Variants in TAX1BP1 observed in about 807,000 individuals in gnomAD.
TAX1BP1 encodes the protein Tax1 binding protein 1.
Under a neutral mutation model 97.7 loss-of-function variants are expected in TAX1BP1, and 62 were observed. That is an observed-to-expected ratio of 0.63 (90% confidence interval 0.52 to 0.78). TAX1BP1 has a LOEUF of 0.78. Among genes scored for constraint, TAX1BP1 ranks in the 30% least tolerant of loss-of-function variants. The pLI is 0.00. For missense variants in TAX1BP1, 867 were observed against 916.1 expected (o/e 0.95, Z 0.69); for synonymous variants, 340 against 304.2 (o/e 1.12, Z -1.23).
At chr7:27,770,732 C>T (rs1788814929) in intron 5 of TAX1BP1, among the ~76,000 whole-genome samples, 1 of 152,090 alleles carries the variant, frequency 6.6e-6, no homozygotes, top group South Asian at 2.1e-4. Flanking sequence ...AGATGTTATA[C>T]AAGTAAGTCT....
At chr7:27,803,040 C>T in intron 13 of TAX1BP1, 2 of 1,451,002 alleles carry the variant, frequency 1.4e-6, no homozygotes, top group Non-Finnish European at 1.9e-6. Context: ...CAGTATAAAC[C>T]AGATCTCAAA....
chr7:27,782,146 A>G (rs1158601562), intron 5 of TAX1BP1, among the ~76,000 whole-genome samples: 1 of 152,202 alleles, frequency 6.6e-6, no homozygotes, highest in Non-Finnish European at 1.5e-5. Flanking sequence ...AAACACAAAC[A>G]TGTACAGCTG....
intron 12 of TAX1BP1, among the ~76,000 whole-genome samples, chr7:27,798,082 A>G (rs1188761375): frequency 2.0e-5 from 3 of 152,072 alleles, no homozygotes; most frequent in Admixed American, 6.6e-5. Flanking sequence ...CTTTTAGACA[A>G]TTTTATAAAA....
At chr7:27,794,700 A>G (rs569251574) in intron 11 of TAX1BP1, among the ~76,000 whole-genome samples, 7 of 152,334 alleles carry the variant, frequency 4.6e-5, no homozygotes, top group African/African-American at 1.7e-4. Context: ...ACATGTTAAA[A>G]ATGAGCTGGT....
rs1789787677 is a variant in TAX1BP1, at chr7:27,793,218, T to A, written c.1410+6T>A. On this transcript the variant is annotated splice_donor_region_variant and intron_variant, in intron 10 of 16. Transcript: ENST00000396319. ...ACAAACTTTCAGATCAATCAGTAAGTATCATTAAATTTACACATAGTAAAA... is the reference window on the plus strand; with the variant it reads ...ACAAACTTTCAGATCAATCAGTAAGAATCATTAAATTTACACATAGTAAAA... 6.4e-7 allele frequency: 1 copy of A among 1,565,956 alleles called. No homozygotes were observed.
intron 5 of TAX1BP1, among the ~76,000 whole-genome samples, chr7:27,778,577 A>G (rs1789123110): frequency 6.6e-6 from 1 of 152,132 alleles, no homozygotes; most frequent in African/African-American, 2.4e-5. Flanking sequence ...AAAAACTTAT[A>G]CAATTGGCCA....
intron 15 of TAX1BP1, among the ~76,000 whole-genome samples, chr7:27,822,713 G>C (rs1441053438): frequency 6.6e-6 from 1 of 152,170 alleles, no homozygotes; most frequent in African/African-American, 2.4e-5. Context: ...TCAGATAATA[G>C]GGTTTGCATA....
At chr7:27,813,578 G>A (rs983567919) in intron 13 of TAX1BP1, among the ~76,000 whole-genome samples, 1 of 152,054 alleles carries the variant, frequency 6.6e-6, no homozygotes, top group Non-Finnish European at 1.5e-5. Flanking sequence ...GGGCTCAAGT[G>A]ATCCACCCAG....
chr7:27,741,916 A>G (rs1787625248), intron 1 of TAX1BP1, among the ~76,000 whole-genome samples: 2 of 152,316 alleles, frequency 1.3e-5, no homozygotes, highest in Admixed American at 1.3e-4. Context: ...AAACACGTGA[A>G]CAAAGGTCTT....
chr7:27,801,600 T>C (rs1790139863), intron 13 of TAX1BP1, among the ~76,000 whole-genome samples: 1 of 152,214 alleles, frequency 6.6e-6, no homozygotes, highest in South Asian at 2.1e-4. Flanking sequence ...CACAGTGCTA[T>C]GCTTAAGGAG....
chr7:27,803,309 C>A, intron 13 of TAX1BP1: 1 of 912,484 alleles, frequency 1.1e-6, no homozygotes, highest in Non-Finnish European at 1.5e-6. Flanking sequence ...AGTGAAATTT[C>A]TAAAAATTAC....
At chr7:27,790,954 CATTTATTTCTTTAGA>C (rs1181009795) in intron 8 of TAX1BP1, among the ~76,000 whole-genome samples, 4 of 151,988 alleles carry the variant, frequency 2.6e-5, no homozygotes, top group Non-Finnish European at 5.9e-5. Flanking sequence ...TGCATAATCG[CATTTATTTCTTTAGA>C]AAATTTTGTA....
chr7:27,764,938 T>A (rs1788564850), intron 3 of TAX1BP1, among the ~76,000 whole-genome samples: 1 of 128,550 alleles, frequency 7.8e-6, no homozygotes, highest in African/African-American at 2.9e-5. Context: ...TTCCTTTTTG[T>A]GGACTGCTAC....
At chr7:27,771,346 A>C (rs571845447) in intron 5 of TAX1BP1, among the ~76,000 whole-genome samples, 6 of 150,930 alleles carry the variant, frequency 4.0e-5, no homozygotes, top group Non-Finnish European at 5.9e-5. Flanking sequence ...TCCTAAGCCC[A>C]TGAGATCAAG....
intron 7 of TAX1BP1, among the ~76,000 whole-genome samples, chr7:27,786,280 C>T (rs758435697): frequency 2.6e-5 from 4 of 151,902 alleles, no homozygotes; most frequent in Middle Eastern, 3.4e-3. Context: ...TACAGGTGCC[C>T]GCGACCACGT....
At chr7:27,765,508 T>C (rs1278726674) in intron 3 of TAX1BP1, among the ~76,000 whole-genome samples, 8 of 152,202 alleles carry the variant, frequency 5.3e-5, no homozygotes, top group Admixed American at 1.3e-4. Flanking sequence ...ACTTTTATAT[T>C]GGTTCTTCCC....
At chr7:27,773,339 A>T (rs184188272) in intron 5 of TAX1BP1, among the ~76,000 whole-genome samples, 1 of 152,080 alleles carries the variant, frequency 6.6e-6, no homozygotes, top group African/African-American at 2.4e-5. Context: ...ATACAATTCA[A>T]TGGATTTTAA....
chr7:27,742,324 T>C (rs977284494), intron 1 of TAX1BP1, among the ~76,000 whole-genome samples: 2 of 152,178 alleles, frequency 1.3e-5, no homozygotes, highest in Non-Finnish European at 2.9e-5. Context: ...CCTGCAGGCT[T>C]CCACAGTTTT....
chr7:27,792,097 T>C lies in TAX1BP1; in HGVS notation c.1130T>C (p.Leu377Pro). 1 of 1,614,102 alleles carries C rather than the reference T, an allele frequency of 6.2e-7. No individual in the cohort carries two copies. The highest frequency in any genetic ancestry group is 8.5e-7 in the Non-Finnish European group (1 of 1,180,022). ...RQEVVFLAKE[L>P]SDAVNVRDRT... Reference sequence around the variant, plus strand: ...GAAGTTGTCTTTCTGGCTAAAGAACTCAGTGATGCTGTCAACGTACGAGAC... The same window carrying C: ...GAAGTTGTCTTTCTGGCTAAAGAACCCAGTGATGCTGTCAACGTACGAGAC... Residue 377 changes from leucine (L) to proline (P), a missense_variant, in exon 9 of 17, where the codon CTC (leucine) becomes CCC (proline). Transcript: ENST00000396319.
Sources: allele counts gnomAD v4.1 joint callset (sites outside exome capture counted in the v4.1 genomes callset), GRCh38; gene constraint gnomAD v4.1.1; transcripts MANE v1.5; gene names NCBI Gene and HGNC (gene_info 2026-07-23, HGNC 2026-07-21).